The following GPC3 variants were observed in gnomAD, a reference collection of about 807,000 sequenced individuals.
GPC3 encodes glypican 3, also known as glypican-3.
GPC3 carries 3 observed loss-of-function variants against 34.4 expected under a neutral mutation model. The observed-to-expected ratio is 0.09, with a 90% CI of 0.04 to 0.23. GPC3 has a LOEUF of 0.23. Among genes scored for constraint, GPC3 ranks in the 10% least tolerant of loss-of-function variants. GPC3 has a pLI of 1.00. For missense variants in GPC3, 351 were observed against 445.6 expected (o/e 0.79, Z 1.91); for synonymous variants, 177 against 174.0 (o/e 1.02, Z -0.13).
rs377308976 is a variant in GPC3 at position 133,605,175 on chromosome X, G to C, written c.1414-8576C>G. 3.0e-3 allele frequency among the ~76,000 whole-genome samples: 325 copies of C among 109,184 alleles called. 2 individuals carry two copies. Among genetic ancestry groups the C allele is most frequent in the African/African-American group, 6.2e-3 (184 of 29,901 alleles). The allele number at this position is 109,184 out of a possible 115,157, so 94.8% of individuals were successfully genotyped here. A position where few individuals can be genotyped will look rare whatever the true frequency, so the allele number is the denominator to read the frequency against. On this transcript the variant is annotated intron_variant, in intron 6 of 7. Coordinates refer to ENST00000370818, the MANE Select transcript of GPC3 (RefSeq NM_004484.4). ...GGCTATATATGCACTTCACACGTGGGGGGGGGGCAATAAAGTATAGCAGTT... is the reference window on the plus strand; with the variant it reads ...GGCTATATATGCACTTCACACGTGGCGGGGGGGCAATAAAGTATAGCAGTT...
chrX:133,709,521 A>C (rs1404138912), intron 3 of GPC3, among the ~76,000 whole-genome samples: 1 of 112,505 alleles, frequency 8.9e-6, no homozygotes, highest in Non-Finnish European at 1.9e-5. Flanking sequence ...ATATACATTG[A>C]AATTATGTGA....
chrX:133,859,133 T>G (rs746177175), intron 2 of GPC3, among the ~76,000 whole-genome samples: 86 of 110,376 alleles, frequency 7.8e-4, no homozygotes, highest in Middle Eastern at 4.7e-3. Context: ...CTAATAAGTT[T>G]AGCAAACCCT....
At chrX:133,562,052 CAT>C (rs1379365491) in intron 7 of GPC3, among the ~76,000 whole-genome samples, 1 of 112,069 alleles carries the variant, frequency 8.9e-6, no homozygotes, top group Admixed American at 9.5e-5. Context: ...ATCAAAATAA[CAT>C]AGAAGGCTTT....
At chrX:133,863,487 G>A (rs1429249914) in intron 2 of GPC3, among the ~76,000 whole-genome samples, 1 of 109,826 alleles carries the variant, frequency 9.1e-6, no homozygotes, top group Non-Finnish European at 1.9e-5. Context: ...GCAGAGAAAG[G>A]GGCACTCAAG....
chrX:133,813,533 A>G (rs1171967906), intron 2 of GPC3, among the ~76,000 whole-genome samples: 1 of 112,496 alleles, frequency 8.9e-6, no homozygotes, highest in African/African-American at 3.2e-5. Flanking sequence ...TAGGAAATAA[A>G]AAAACTTTGA....
intron 2 of GPC3, among the ~76,000 whole-genome samples, chrX:133,895,859 C>T (rs749705211): frequency 2.7e-5 from 3 of 111,495 alleles, no homozygotes; most frequent in Admixed American, 9.6e-5. Flanking sequence ...AGAGTTCCCT[C>T]GCAGGCAAGA....
chrX:133,824,660 C>A (rs1009618189), intron 2 of GPC3, among the ~76,000 whole-genome samples: 3 of 111,039 alleles, frequency 2.7e-5, no homozygotes, highest in Admixed American at 9.5e-5. Context: ...CTGATTTGAT[C>A]ATTACATAAC....
intron 2 of GPC3, among the ~76,000 whole-genome samples, chrX:133,912,743 T>C (rs897755797): frequency 3.6e-5 from 4 of 111,744 alleles, no homozygotes; most frequent in African/African-American, 1.3e-4. Context: ...AAAACTTTTA[T>C]AACTTATTTG....
At chrX:133,752,093 C>T (rs143294606) in intron 3 of GPC3, among the ~76,000 whole-genome samples, 1,138 of 110,305 alleles carry the variant, frequency 0.01, 26 homozygotes, top group African/African-American at 0.036. Flanking sequence ...GTCTTGAACT[C>T]CCAGCCTCAA....
At chrX:133,629,990 G>C (rs1379391173) in intron 6 of GPC3, among the ~76,000 whole-genome samples, 1 of 110,608 alleles carries the variant, frequency 9.0e-6, no homozygotes, top group African/African-American at 3.3e-5. Flanking sequence ...GGAGGTGGAG[G>C]TTGTGGTGAG....
chrX:133,666,436 T>G (rs771286979), intron 5 of GPC3, among the ~76,000 whole-genome samples: 9 of 112,610 alleles, frequency 8.0e-5, no homozygotes, highest in Non-Finnish European at 1.3e-4. Flanking sequence ...GCCCTGTGGC[T>G]TAGGCCTAAA....
intron 3 of GPC3, among the ~76,000 whole-genome samples, chrX:133,750,945 C>T (rs769337262): frequency 2.7e-5 from 3 of 109,253 alleles, no homozygotes; most frequent in Non-Finnish European, 3.8e-5. Context: ...TGGTGGCATG[C>T]GCCTGCAATC....
intron 2 of GPC3, chrX:133,763,654 TG>T: frequency 1.3e-6 from 1 of 746,967 alleles, no homozygotes; most frequent in Non-Finnish European, 2.1e-6. Flanking sequence ...GGCCACTGAA[TG>T]GGTAGGAGCA....
chrX:133,850,923 C>T (rs903466142), intron 2 of GPC3, among the ~76,000 whole-genome samples: 3 of 100,030 alleles, frequency 3.0e-5, no homozygotes, highest in African/African-American at 1.2e-4. Flanking sequence ...AGAGAAACCC[C>T]ATCTCTACTA....
chrX:133,647,894 C>T (rs2070559856), intron 6 of GPC3, among the ~76,000 whole-genome samples: 1 of 112,364 alleles, frequency 8.9e-6, no homozygotes, highest in Non-Finnish European at 1.9e-5. Flanking sequence ...TAATAGTTAA[C>T]ACATTCATCA....
At chrX:133,810,456 A>G (rs948784890) in intron 2 of GPC3, among the ~76,000 whole-genome samples, 1 of 111,982 alleles carries the variant, frequency 8.9e-6, no homozygotes, top group African/African-American at 3.2e-5. Flanking sequence ...TGAAGCACTG[A>G]TTTGGAGGGA....
chrX:133,781,039 A>G (rs759012685), intron 2 of GPC3, among the ~76,000 whole-genome samples: 1 of 111,949 alleles, frequency 8.9e-6, no homozygotes, highest in Non-Finnish European at 1.9e-5. Context: ...TGATGTTCTC[A>G]GTATGTAGGA....
intron 2 of GPC3, among the ~76,000 whole-genome samples, chrX:133,798,021 G>A (rs2075590915): frequency 9.0e-6 from 1 of 111,506 alleles, no homozygotes; most frequent in Non-Finnish European, 1.9e-5. Flanking sequence ...AACAGTGCAA[G>A]TTTGTCAAAA....
rs1163113636 is a variant in GPC3 at position 133,556,924 on chromosome X, A to T, written c.1574-20631T>A. On this transcript the variant is annotated intron_variant, in intron 7 of 7. Coordinates refer to ENST00000370818, the MANE Select transcript of GPC3 (RefSeq NM_004484.4). Reference sequence around the variant, plus strand: ...TACCCTAGAACTTAAAGTATAATTTAAAAAAAAAATAAAGATTTTTTTTTG... The same window carrying T: ...TACCCTAGAACTTAAAGTATAATTTTAAAAAAAAATAAAGATTTTTTTTTG... Among the ~76,000 whole-genome samples, 12 of 107,165 alleles carry T rather than the reference A, an allele frequency of 1.1e-4. No homozygotes were observed. In the South Asian group the frequency reaches 2.1e-3, roughly 19 times the overall value. 93.1% of individuals were successfully genotyped at this position (107,165 alleles called of 115,157 possible). A position where few individuals can be genotyped will look rare whatever the true frequency, so the allele number is the denominator to read the frequency against.
Sources: gnomAD v4.1 joint callset for allele counts (sites outside exome capture counted in the v4.1 genomes callset) on GRCh38, gnomAD v4.1.1 for gene constraint, MANE v1.5 for transcripts, NCBI Gene and HGNC (gene_info 2026-07-23, HGNC 2026-07-21) for gene names.